The following STX7 variants were observed in gnomAD, a reference collection of about 807,000 sequenced individuals.
STX7 encodes syntaxin 7, also known as syntaxin-7.
STX7 carries 34 observed loss-of-function variants against 39.6 expected under a neutral mutation model. That is an observed-to-expected ratio of 0.86 (90% confidence interval 0.65 to 1.14). The LOEUF (loss-of-function observed/expected upper bound fraction) is 1.14, where lower values mean the gene tolerates loss of function less well. STX7 is among the 50% of genes most tolerant of loss of function. The probability of loss-of-function intolerance (pLI) is 0.00; values close to 1 mark genes in which losing one functional copy is unlikely to be tolerated. For missense variants in STX7, 284 were observed against 310.4 expected (o/e 0.92, Z 0.64); for synonymous variants, 119 against 99.1 (o/e 1.20, Z -1.19).
intron 7 of STX7, among the ~76,000 whole-genome samples, chr6:132,469,479 A>T (rs997084647): frequency 2.6e-5 from 4 of 152,136 alleles, no homozygotes; most frequent in African/African-American, 9.7e-5. Flanking sequence ...GGACAATATT[A>T]TTTTTTTAAA....
In STX7 at chr6:132,453,099, G is replaced by A. The variant is rs1451220815; in HGVS notation, c.*7659C>T. The stretch of plus-strand genomic sequence containing the variant: ...ACTGATTTCTCATTAACTCATTTTT[G>A]CTCAACTGATTTTTGACAGAGGTGC... On this transcript the variant is annotated 3_prime_UTR_variant, in exon 10 of 10. Transcript: ENST00000367941. The A allele has an allele frequency of 6.6e-6, 1 of 151,920 alleles. No homozygotes were observed. The highest frequency in any genetic ancestry group is 1.5e-5 in the Non-Finnish European group (1 of 67,932). 9.4% of individuals were successfully genotyped at this position (151,920 alleles called of 1,614,324 possible).
chr6:132,490,587 A>G (rs796823848), intron 2 of STX7, among the ~76,000 whole-genome samples: 4 of 152,306 alleles, frequency 2.6e-5, no homozygotes, highest in African/African-American at 9.6e-5. Context: ...TACGGCCAAA[A>G]GCAACAGAAA....
intron 3 of STX7, among the ~76,000 whole-genome samples, chr6:132,474,827 C>T (rs1467046905): frequency 6.6e-6 from 1 of 152,088 alleles, no homozygotes; most frequent in Non-Finnish European, 1.5e-5. Context: ...TATTAATTTA[C>T]TGGAATATGT....
At chr6:132,473,517 G>GTTTTTTTTTTTTTTTTTTTTTT (rs752590497) in intron 3 of STX7, among the ~76,000 whole-genome samples, 10 of 125,780 alleles carry the variant, frequency 8.0e-5, no homozygotes, top group East Asian at 4.6e-4. Context: ...TTATTATTGT[G>GTTTTTTTTTTTTTTTTTTTTTT]TTGTTTTTTT....
At chr6:132,473,522 T>TG (rs1321152505) in intron 3 of STX7, among the ~76,000 whole-genome samples, 6 of 149,946 alleles carry the variant, frequency 4.0e-5, no homozygotes, top group Admixed American at 2.0e-4. Context: ...ATTGTGTTGT[T>TG]TTTTTTTTTT....
intron 3 of STX7, among the ~76,000 whole-genome samples, chr6:132,474,296 T>G (rs1774815059): frequency 6.6e-6 from 1 of 150,740 alleles, no homozygotes; most frequent in South Asian, 2.1e-4. Flanking sequence ...CATTATTAAC[T>G]CTATCAAAAT....
In STX7 at chr6:132,464,195, G is replaced by C. The variant is rs1446745230; in HGVS notation, c.611-120C>G. 4 of 989,016 alleles carry C rather than the reference G, an allele frequency of 4.0e-6. No individual in the cohort carries two copies. The Admixed American group carries it at 7.8e-5, about 19-fold the overall frequency. 61.3% of individuals were successfully genotyped at this position (989,016 alleles called of 1,614,324 possible). The stretch of plus-strand genomic sequence containing the variant: ...GGTCATTATTCAAAGGTTAATAGTA[G>C]TATATCATAAAGTTGAATTTTTTTA... On this transcript the variant is annotated intron_variant, in intron 8 of 9. Coordinates refer to ENST00000367941, the MANE Select transcript of STX7 (RefSeq NM_003569.3).
chr6:132,496,869 A>C (rs755844326), intron 2 of STX7, among the ~76,000 whole-genome samples: 2 of 152,080 alleles, frequency 1.3e-5, no homozygotes, highest in Non-Finnish European at 1.5e-5. Context: ...CACTCTAAAA[A>C]CTCTGATTCT....
intron 4 of STX7, 95 bp downstream of exon 4, chr6:132,472,187 T>C (rs1774739076): frequency 3.4e-6 from 3 of 873,514 alleles, no homozygotes; most frequent in African/African-American, 1.7e-5. Flanking sequence ...CTTTCTAGCA[T>C]AATTTCCTTT....
chr6:132,512,813 C>CG (rs1212748332), intron 1 of STX7, among the ~76,000 whole-genome samples, 194 bp downstream of exon 1: 1 of 152,132 alleles, frequency 6.6e-6, no homozygotes, highest in Non-Finnish European at 1.5e-5. Context: ...TGCACCCGGC[C>CG]GGGGGGCGTG....
intron 2 of STX7, among the ~76,000 whole-genome samples, chr6:132,487,780 T>A (rs1468302578): frequency 1.3e-5 from 2 of 152,220 alleles, no homozygotes; most frequent in Admixed American, 1.3e-4. Flanking sequence ...TCTCTCTCAT[T>A]CCTGATATTA....
At chr6:132,502,483 A>T (rs1420327683) in intron 2 of STX7, among the ~76,000 whole-genome samples, 2 of 152,244 alleles carry the variant, frequency 1.3e-5, no homozygotes, top group African/African-American at 4.8e-5. Context: ...ATAAAAAAAT[A>T]AAAACCTATC....
In STX7 at chr6:132,457,929, G is replaced by A. The variant is rs139254190; in HGVS notation, c.*2829C>T. The A allele has an allele frequency of 5.3e-5, 8 of 152,166 alleles. No individual in the cohort carries two copies. The highest frequency in any genetic ancestry group is 2.6e-4 in the Admixed American group (4 of 15,288). 9.4% of individuals were successfully genotyped at this position (152,166 alleles called of 1,614,324 possible). ...TGGACAATGACTTTATTTTCTTTAC[G>A]TAAGTTTTATATTTTATTATGACAT... On this transcript the variant is annotated 3_prime_UTR_variant, in exon 10 of 10. Transcript: ENST00000367941.
chr6:132,457,136 C>T lies in STX7; in HGVS notation c.*3622G>A, dbSNP rs1161114607. 6.6e-6 allele frequency: 1 copy of T among 152,412 alleles called. No individual in the cohort carries two copies. The highest frequency in any genetic ancestry group is 1.5e-5 in the Non-Finnish European group (1 of 68,156). The allele number at this position is 152,412 out of a possible 1,614,324, so 9.4% of individuals were successfully genotyped here. A position where few individuals can be genotyped will look rare whatever the true frequency, so the allele number is the denominator to read the frequency against. On this transcript the variant is annotated 3_prime_UTR_variant, in exon 10 of 10. Transcript: ENST00000367941. ...TCCTGAGATCCACCCACTTTGGGGC[C>T]GCAGACACCTTCCTCACCCACCCTT...
Position 132,460,804 on chromosome 6 carries a change from A to G in STX7, c.740T>C (p.Ile247Thr), listed in dbSNP as rs1017026752. ...GATGAGACTGATAATCGCAACTCCAATGACAAGGATAAGAATGATGATGCA... is the reference window on the plus strand; with the variant it reads ...GATGAGACTGATAATCGCAACTCCAGTGACAAGGATAAGAATGATGATGCA... ...TLCIIILILVIGVAIISLIIW... is the reference protein window; with the variant it reads ...TLCIIILILVTGVAIISLIIW... Residue 247 changes from isoleucine to threonine, a missense_variant, in exon 10 of 10, where the codon ATT becomes ACT. Coordinates refer to ENST00000367941, the MANE Select transcript of STX7 (RefSeq NM_003569.3). The G allele has an allele frequency of 1.4e-5, 23 of 1,613,596 alleles. No individual in the cohort carries two copies. The highest frequency in any genetic ancestry group is 2.7e-5 in the African/African-American group (2 of 74,918).
At chr6:132,492,408 C>T (rs1296327210) in intron 2 of STX7, among the ~76,000 whole-genome samples, 1 of 152,144 alleles carries the variant, frequency 6.6e-6, no homozygotes, top group African/African-American at 2.4e-5. Context: ...ACATAATTTA[C>T]TTATTTATTT....
At chr6:132,473,086 G>C (rs1023898773) in intron 3 of STX7, among the ~76,000 whole-genome samples, 2 of 152,200 alleles carry the variant, frequency 1.3e-5, no homozygotes, top group South Asian at 4.1e-4. Flanking sequence ...TTGAACATGG[G>C]AGGTGGAGGA....
chr6:132,506,774 C>A (rs2114482730), intron 1 of STX7, among the ~76,000 whole-genome samples: 1 of 152,094 alleles, frequency 6.6e-6, no homozygotes, highest in Non-Finnish European at 1.5e-5. Context: ...GATCCAGTAA[C>A]CTCGTTACTG....
At position 132,451,698 on chromosome 6, in the gene STX7, A is replaced by G. The variant is rs879827215; in HGVS notation, c.*9060T>C. 5.9e-5 allele frequency: 9 copies of G among 152,222 alleles called. No homozygotes were observed. Among genetic ancestry groups the G allele is most frequent in the African/African-American group, 2.2e-4 (9 of 41,456 alleles). The allele number at this position is 152,222 out of a possible 1,614,324, so 9.4% of individuals were successfully genotyped here. A position where few individuals can be genotyped will look rare whatever the true frequency, so the allele number is the denominator to read the frequency against. Reference sequence around the variant, plus strand: ...GAGCTTAGATGAAATGGACTAATTCATCTAAAAATACAAACTGTCACAACT... The same window carrying G: ...GAGCTTAGATGAAATGGACTAATTCGTCTAAAAATACAAACTGTCACAACT... On this transcript the variant is annotated 3_prime_UTR_variant, in exon 10 of 10. Coordinates refer to ENST00000367941, the MANE Select transcript of STX7 (RefSeq NM_003569.3).
Sources: allele counts gnomAD v4.1 joint callset (sites outside exome capture counted in the v4.1 genomes callset), GRCh38; gene constraint gnomAD v4.1.1; transcripts MANE v1.5; gene names NCBI Gene and HGNC (gene_info 2026-07-23, HGNC 2026-07-21).